KCNIP4: variants seen among roughly 807,000 people sequenced by gnomAD.
KCNIP4 encodes the protein Kv channel-interacting protein 4.
A neutral mutation model predicts 34.0 loss-of-function variants in KCNIP4; 12 were observed. That is an observed-to-expected ratio of 0.35 (90% CI 0.23 to 0.57). The LOEUF is 0.57. Among genes scored for constraint, KCNIP4 ranks in the 20% least tolerant of loss-of-function variants. The pLI is 0.83. For missense variants in KCNIP4, 238 were observed against 311.7 expected (o/e 0.76, Z 1.78); for synonymous variants, 124 against 102.2 (o/e 1.21, Z -1.29).
chr4:21,889,848 A>AC (rs1307341786), intron 1 of KCNIP4, among the ~76,000 whole-genome samples: 1 of 152,162 alleles, frequency 6.6e-6, no homozygotes, highest in Non-Finnish European at 1.5e-5. Context: ...TGTACTCAGT[A>AC]ATGCCATAGA....
At chr4:21,680,555 G>T (rs1242785916) in intron 1 of KCNIP4, among the ~76,000 whole-genome samples, 1 of 152,124 alleles carries the variant, frequency 6.6e-6, no homozygotes, top group East Asian at 1.9e-4. Flanking sequence ...ATCATCAGAG[G>T]AATCACTATC....
intron 1 of KCNIP4, among the ~76,000 whole-genome samples, chr4:21,453,059 G>A (rs1040516067): frequency 6.6e-6 from 1 of 151,976 alleles, no homozygotes; most frequent in African/African-American, 2.4e-5. Context: ...CTTATGGCCA[G>A]TCATTTTAGA....
intron 1 of KCNIP4, among the ~76,000 whole-genome samples, chr4:21,802,348 C>T (rs541870491): frequency 2.0e-5 from 3 of 152,252 alleles, no homozygotes; most frequent in South Asian, 2.1e-4. Context: ...ATATTATCCT[C>T]GCTTTACAAG....
chr4:21,558,668 A>C (rs553094731), intron 1 of KCNIP4, among the ~76,000 whole-genome samples: 16 of 152,142 alleles, frequency 1.1e-4, no homozygotes, highest in Non-Finnish European at 2.2e-4. Flanking sequence ...CCAAAGGCTA[A>C]GGCTATCAGG....
chr4:21,107,291 G>C (rs1160608874), intron 1 of KCNIP4, among the ~76,000 whole-genome samples: 2 of 141,058 alleles, frequency 1.4e-5, no homozygotes, highest in African/African-American at 5.7e-5. Flanking sequence ...CCTGTATTGG[G>C]TGCCTCTATA....
chr4:21,202,006 T>C (rs1756533792), intron 1 of KCNIP4, among the ~76,000 whole-genome samples: 1 of 152,244 alleles, frequency 6.6e-6, no homozygotes, highest in Non-Finnish European at 1.5e-5. Context: ...AGAATGCTTA[T>C]GCACTATTGG....
chr4:21,388,714 C>T (rs1441392858), intron 1 of KCNIP4, among the ~76,000 whole-genome samples: 1 of 152,028 alleles, frequency 6.6e-6, no homozygotes, highest in Non-Finnish European at 1.5e-5. Context: ...TAGAGAATTG[C>T]CTATCCTGGA....
At chr4:21,143,753 G>GGTGTACTCC in intron 1 of KCNIP4, among the ~76,000 whole-genome samples, 1 of 151,788 alleles carries the variant, frequency 6.6e-6, no homozygotes, top group Non-Finnish European at 1.5e-5. Flanking sequence ...ACCCAGGCTG[G>GGTGTACTCC]AGTACAGTGG....
At chr4:21,912,440 T>C (rs1414889397) in intron 1 of KCNIP4, among the ~76,000 whole-genome samples, 2 of 152,238 alleles carry the variant, frequency 1.3e-5, no homozygotes, top group African/African-American at 4.8e-5. Context: ...CACATGTTCA[T>C]GGAGTTTACA....
At chr4:21,090,037 A>G (rs1053908304) in intron 1 of KCNIP4, among the ~76,000 whole-genome samples, 4 of 152,184 alleles carry the variant, frequency 2.6e-5, no homozygotes, top group Non-Finnish European at 4.4e-5. Context: ...TTCATTTTAT[A>G]GTGTTCATTA....
intron 1 of KCNIP4, among the ~76,000 whole-genome samples, chr4:21,701,626 G>A (rs1047576248): frequency 6.6e-6 from 1 of 152,104 alleles, no homozygotes; most frequent in African/African-American, 2.4e-5. Context: ...ATCTGCTTTA[G>A]ATATATTAGA....
Position 21,358,363 on chromosome 4 carries a change from C to T in KCNIP4, c.62-475654G>A, listed in dbSNP as rs114384168. Among the ~76,000 whole-genome samples, 430 of 151,996 alleles carry T rather than the reference C, an allele frequency of 2.8e-3. 2 individuals carry two copies. The highest frequency in any genetic ancestry group is 9.5e-3 in the African/African-American group (395 of 41,504). On this transcript the variant is annotated intron_variant, in intron 1 of 8. Transcript: ENST00000382152. ...AACAAAAATAAAAAGTGATTCGGGT[C>T]CTGTCTCTGACACTTGTTAAGCACA... is the stretch of plus-strand genomic sequence containing the variant.
intron 1 of KCNIP4, among the ~76,000 whole-genome samples, chr4:21,678,403 C>T (rs1750081150): frequency 6.9e-6 from 1 of 145,428 alleles, no homozygotes; most frequent in Non-Finnish European, 1.5e-5. Context: ...CTGGATATAG[C>T]CCACAGCCAG....
intron 1 of KCNIP4, among the ~76,000 whole-genome samples, chr4:21,717,867 T>C (rs1323498185): frequency 2.6e-5 from 4 of 152,158 alleles, no homozygotes; most frequent in Non-Finnish European, 5.9e-5. Context: ...CACTTTTCTC[T>C]TTCATCTTTT....
chr4:21,182,425 C>T (rs767181767), intron 1 of KCNIP4, among the ~76,000 whole-genome samples: 9 of 151,618 alleles, frequency 5.9e-5, no homozygotes, highest in South Asian at 2.1e-4. Context: ...CTCCCCCTGT[C>T]CTTTCCTTTC....
intron 1 of KCNIP4, among the ~76,000 whole-genome samples, chr4:21,507,640 A>G (rs1486095291): frequency 6.6e-6 from 1 of 152,170 alleles, no homozygotes; most frequent in African/African-American, 2.4e-5. Context: ...GGTGTTGGAG[A>G]CAAATACAGT....
rs139685385 is a variant in KCNIP4 at position 20,884,241 on chromosome 4, G to C, written c.62-1532C>G. On this transcript the variant is annotated intron_variant, in intron 1 of 8. Coordinates refer to ENST00000382152, the MANE Select transcript of KCNIP4 (RefSeq NM_025221.6). ...TTAAAAATTTTACTTTAAGTTCTGG[G>C]ATACATGTGAAGAACGTGCAGGTTT... Among the ~76,000 whole-genome samples, 549 of 152,230 alleles carry C rather than the reference G, an allele frequency of 3.6e-3. 3 individuals are homozygous for C. The highest frequency in any genetic ancestry group is 2.7e-3 in the East Asian group (14 of 5,172).
At chr4:21,846,656 C>G (rs975714293) in intron 1 of KCNIP4, 3 of 152,108 alleles carry the variant, frequency 2.0e-5, no homozygotes, top group African/African-American at 7.2e-5. Context: ...CAGATCTCAA[C>G]TTATACTAGC....
intron 1 of KCNIP4, among the ~76,000 whole-genome samples, chr4:21,265,430 G>A (rs368098131): frequency 1.1e-3 from 170 of 152,172 alleles, no homozygotes; most frequent in African/African-American, 3.6e-3. Flanking sequence ...TTTCACGATC[G>A]GAGTTACAAA....
Sources: allele counts gnomAD v4.1 joint callset (sites outside exome capture counted in the v4.1 genomes callset), GRCh38; gene constraint gnomAD v4.1.1; transcripts MANE v1.5; gene names NCBI Gene and HGNC (gene_info 2026-07-23, HGNC 2026-07-21).